NEUROD1: variants seen among roughly 807,000 people sequenced by gnomAD.
The protein encoded by NEUROD1 is neurogenic differentiation factor 1.
A neutral mutation model predicts 21.8 loss-of-function variants in NEUROD1; 9 were observed. The observed-to-expected ratio is 0.41, with a 90% CI of 0.25 to 0.72. NEUROD1 has a LOEUF of 0.72. NEUROD1 is among the 30% of genes least tolerant of loss of function. The probability of loss-of-function intolerance (pLI) is 0.31; values close to 1 mark genes in which losing one functional copy is unlikely to be tolerated. For synonymous variants in NEUROD1, 199 were observed against 186.2 expected (o/e 1.07, Z -0.56); for missense variants, 434 against 468.8 (o/e 0.93, Z 0.69).
At chr2:181,668,573 A>G, downstream of NEUROD1, among the ~76,000 whole-genome samples, 1 of 152,096 alleles carries the variant, frequency 6.6e-6, no homozygotes, top group Middle Eastern at 3.2e-3. Context: ...TCTATCTTCC[A>G]ACTTACTGCA....
rs763871039 is a variant in NEUROD1 at position 181,678,824 on chromosome 2, C to T, written c.37G>A (p.Glu13Lys). The change falls in exon 2 of 2, where the codon GAG (glutamate) becomes AAG (lysine). Residue 13 changes from glutamate (E) to lysine (K), a missense_variant. Coordinates refer to ENST00000295108, the MANE Select transcript of NEUROD1 (RefSeq NM_002500.5). This position sits in a 1 kb window ranked among gnomAD's most constrained non-coding sequence, Gnocchi z 5.5. ...KSYSESGLMG[E>K]PQPQGPPSWT... ...CTTGGAGGACCTTGGGGCTGAGGCTCGCCCATCAGCCCACTCTCGCTGTAC... is the reference window on the plus strand; with the variant it reads ...CTTGGAGGACCTTGGGGCTGAGGCTTGCCCATCAGCCCACTCTCGCTGTAC... 12 of 1,614,040 alleles carry T rather than the reference C, an allele frequency of 7.4e-6. No homozygotes were observed. The highest frequency in any genetic ancestry group is 3.3e-5 in the South Asian group (3 of 91,080).
At chr2:181,670,930 A>G (rs1044701938) in exon 2 of NEUROD1, among the ~76,000 whole-genome samples, 2 of 152,022 alleles carry the variant, frequency 1.3e-5, no homozygotes, top group Non-Finnish European at 2.9e-5. Context: ...AATATTTCAA[A>G]TGAGGCCACA....
chr2:181,672,057 A>T (rs1688506965), downstream of NEUROD1, among the ~76,000 whole-genome samples: 1 of 152,232 alleles, frequency 6.6e-6, no homozygotes, highest in Admixed American at 6.5e-5. Context: ...CAATTACTGA[A>T]AGAATAATGA....
chr2:181,677,750 A>C lies in NEUROD1; in HGVS notation c.*40T>G. 6.2e-7 allele frequency: 1 copy of C among 1,613,892 alleles called. No individual in the cohort carries two copies. On this transcript the variant is annotated 3_prime_UTR_variant, in exon 2 of 2. Transcript: ENST00000295108. ...TAAACACGACAGTCACTGTAAGCACAGTGGGTTCGTTTCCCGGAAATGGTG... is the reference window on the plus strand; with the variant it reads ...TAAACACGACAGTCACTGTAAGCACCGTGGGTTCGTTTCCCGGAAATGGTG...
At chr2:181,672,134 T>C (rs1439583015), downstream of NEUROD1, among the ~76,000 whole-genome samples, 1 of 152,216 alleles carries the variant, frequency 6.6e-6, no homozygotes, top group Admixed American at 6.5e-5. Flanking sequence ...AGTTTTTCTT[T>C]TATTCCAATT....
At chr2:181,676,401 A>G (rs1050822513), downstream of NEUROD1, 4 of 152,610 alleles carry the variant, frequency 2.6e-5, no homozygotes, top group African/African-American at 7.2e-5. Context: ...TAACTCAGCA[A>G]AAAAGCAACT....
At chr2:181,675,561 A>C (rs571750010), downstream of NEUROD1, among the ~76,000 whole-genome samples, 87 of 152,344 alleles carry the variant, frequency 5.7e-4, no homozygotes, top group African/African-American at 2.1e-3. Context: ...AGAGCACCAC[A>C]GTAGAGCCAG....
In NEUROD1 at chr2:181,678,124, G is replaced by C. The variant is rs947706943; in HGVS notation, c.737C>G (p.Pro246Arg). The change falls in exon 2 of 2, where the codon CCG (proline) becomes CGG (arginine). Residue 246 changes from proline to arginine, a missense_variant. Physicochemically the swap from Pro to Arg is moderately radical, Grantham distance 103 (BLOSUM62 -2). Coordinates refer to ENST00000295108, the MANE Select transcript of NEUROD1 (RefSeq NM_002500.5). This position sits in a 1 kb window ranked among gnomAD's most constrained non-coding sequence, Gnocchi z 5.5. ...CTCCAGCGCTGCGCTGTAGGCGTGCGGCGGAGGCTTAACGTGGAAGACATG... is the reference window on the plus strand; with the variant it reads ...CTCCAGCGCTGCGCTGTAGGCGTGCCGCGGAGGCTTAACGTGGAAGACATG... Reference protein sequence around the residue: ...SSHVFHVKPPPHAYSAALEPF... With the variant: ...SSHVFHVKPPRHAYSAALEPF... The C allele has an allele frequency of 4.3e-6, 7 of 1,614,206 alleles. No homozygotes were observed. In the South Asian group the frequency reaches 6.6e-5, roughly 15 times the overall value.
downstream of NEUROD1, among the ~76,000 whole-genome samples, chr2:181,675,438 C>T (rs1453474258): frequency 1.3e-5 from 2 of 152,042 alleles, no homozygotes; most frequent in African/African-American, 4.8e-5. Flanking sequence ...TTCTGGAACC[C>T]CTAAATCACC....
At chr2:181,674,899 T>G (rs1688546737), downstream of NEUROD1, among the ~76,000 whole-genome samples, 1 of 152,184 alleles carries the variant, frequency 6.6e-6, no homozygotes. Context: ...GAAGCTGGAA[T>G]TCTCAAAATG....
exon 2 of NEUROD1, among the ~76,000 whole-genome samples, chr2:181,670,852 G>A (rs1179374626): frequency 2.0e-5 from 3 of 151,824 alleles, no homozygotes; most frequent in Non-Finnish European, 4.4e-5. Context: ...TTGGATTTAG[G>A]GCCCACCGTA....
rs1324819367 is a variant in NEUROD1 at position 181,676,734 on chromosome 2, TTAG to T, written c.*1053_*1055del. 1.3e-5 allele frequency: 2 copies of T among 152,600 alleles called. No individual in the cohort carries two copies. The highest frequency in any genetic ancestry group is 2.9e-5 in the Non-Finnish European group (2 of 67,998). 9.5% of individuals were successfully genotyped at this position (152,600 alleles called of 1,614,324 possible). ...CCCAACATTAACAACCTGATTAGAT[TTAG>T]GCTCAGATTTATTACATGAATATAT... On this transcript the variant is annotated 3_prime_UTR_variant, in exon 2 of 2. Transcript: ENST00000295108.
rs1275626932 is a variant in NEUROD1, at chr2:181,677,910, G to A, written c.951C>T (p.Ile317=). The part of the protein sequence containing the change: ...TLAGAQSHGS[I]FSGTAAPRCE... ...AGCGAGGGGCAGCGGTGCCTGAGAA[G>A]ATTGATCCGTGGCTTTGGGCCCCTG... is the stretch of plus-strand genomic sequence containing the variant. The change falls in exon 2 of 2, where the codon ATC becomes ATT. Residue 317 remains isoleucine (I), a synonymous_variant. Transcript: ENST00000295108. 1 of 1,614,116 alleles carries A rather than the reference G, an allele frequency of 6.2e-7. No homozygotes were observed. The highest frequency in any genetic ancestry group is 1.7e-5 in the Admixed American group (1 of 60,014).
At chr2:181,669,573 TTAA>T (rs1292474571), downstream of NEUROD1, among the ~76,000 whole-genome samples, 2 of 152,236 alleles carry the variant, frequency 1.3e-5, no homozygotes, top group Non-Finnish European at 2.9e-5. Context: ...ACATTTTGTC[TTAA>T]TAAGTTAGCA....
chr2:181,671,648 C>T (rs766967973), downstream of NEUROD1, among the ~76,000 whole-genome samples: 2 of 152,136 alleles, frequency 1.3e-5, no homozygotes, highest in African/African-American at 2.4e-5. Flanking sequence ...CCAGACTGGT[C>T]TTGAACTCCT....
chr2:181,678,974 G>T lies in NEUROD1; in HGVS notation c.-11-103C>A. 7.1e-7 allele frequency: 1 copy of T among 1,418,252 alleles called. No individual in the cohort carries two copies. The highest frequency in any genetic ancestry group is 9.7e-7 in the Non-Finnish European group (1 of 1,034,328). 87.9% of individuals were successfully genotyped at this position (1,418,252 alleles called of 1,614,324 possible). A position where few individuals can be genotyped will look rare whatever the true frequency, so the allele number is the denominator to read the frequency against. On this transcript the variant is annotated intron_variant, in intron 1 of 1. Transcript: ENST00000295108. The surrounding 1 kb of genome is among the most constrained non-coding windows in gnomAD (Gnocchi z 5.5). ...TTCCACTCCCTAAACCTGTACAAAT[G>T]CTTGCGAAAAGTACCTGCCCATTAC...
downstream of NEUROD1, among the ~76,000 whole-genome samples, chr2:181,674,351 G>A (rs1574086168): frequency 6.6e-6 from 1 of 152,004 alleles, no homozygotes; most frequent in Non-Finnish European, 1.5e-5. Context: ...AGCCAAACTT[G>A]CCAGCATTTT....
chr2:181,674,072 T>C (rs1055547709), downstream of NEUROD1, among the ~76,000 whole-genome samples: 83 of 152,290 alleles, frequency 5.5e-4, no homozygotes, highest in African/African-American at 1.9e-3. Flanking sequence ...TAAAGTAAAA[T>C]ATGTTATGTG....
chr2:181,678,096 G>A lies in NEUROD1; in HGVS notation c.765C>T (p.Pro255=), dbSNP rs577169847. The part of the protein sequence containing the change: ...PPHAYSAALE[P]FFESPLTDCT... ...AATCAGTCAGAGGGCTTTCAAAGAA[G>A]GGCTCCAGCGCTGCGCTGTAGGCGT... Residue 255 remains proline, a synonymous_variant, in exon 2 of 2, where the codon CCC becomes CCT. Transcript: ENST00000295108. This position sits in a 1 kb window ranked among gnomAD's most constrained non-coding sequence, Gnocchi z 5.5. 50 of 1,614,190 alleles carry A rather than the reference G, an allele frequency of 3.1e-5. 1 individual carries two copies. The highest frequency in any genetic ancestry group is 2.6e-4 in the South Asian group (24 of 91,076).
Sources: gnomAD v4.1 joint callset for allele counts (sites outside exome capture counted in the v4.1 genomes callset) on GRCh38, gnomAD v4.1.1 for gene constraint, Gnocchi (gnomAD v3.1) non-coding constraint, MANE v1.5 for transcripts, NCBI Gene and HGNC (gene_info 2026-07-23, HGNC 2026-07-21) for gene names.